The following KIAA1210 variants were observed in gnomAD, a reference collection of about 807,000 sequenced individuals.
KIAA1210 encodes the protein acrosomal protein KIAA1210.
In KIAA1210, 48 loss-of-function variants were observed where a neutral mutation model predicts 78.9. The ratio of observed to expected loss-of-function variants is 0.61; its 90% CI spans 0.48 to 0.77. The LOEUF (loss-of-function observed/expected upper bound fraction) is 0.77. Ranked by LOEUF, KIAA1210 falls within the 30% of genes least tolerant of loss-of-function variation. The probability of loss-of-function intolerance (pLI) is 0.00; values close to 1 mark genes in which losing one functional copy is unlikely to be tolerated. For synonymous variants in KIAA1210, 406 were observed against 404.5 expected (o/e 1.00, Z -0.04); for missense variants, 1,108 against 1,100.0 (o/e 1.01, Z -0.10).
chrX:119,124,919 A>G (rs1928580215), intron 1 of KIAA1210, among the ~76,000 whole-genome samples: 1 of 110,980 alleles, frequency 9.0e-6, no homozygotes, highest in Non-Finnish European at 1.9e-5. Flanking sequence ...CTTATGGAGA[A>G]GAAATAAGTC....
At chrX:119,112,170 T>C (rs1056730271) in intron 3 of KIAA1210, among the ~76,000 whole-genome samples, 10 of 111,776 alleles carry the variant, frequency 8.9e-5, no homozygotes, top group African/African-American at 3.3e-4. Flanking sequence ...TCTGCCATGA[T>C]TGAACTGTGA....
rs752983760 is a variant in KIAA1210, at chrX:119,086,683, T to A, written c.4019A>T (p.His1340Leu). ...CCCCTGGGAAGTGCTTCTGATTTTA[T>A]GTCCCCTGCCTACAGAGGATGAAAT... is the stretch of plus-strand genomic sequence containing the variant. ...GPISSSVGRG[H>L]KIRSTSQGLL... is the part of the protein sequence containing the mutation. Residue 1340 changes from histidine to leucine, a missense_variant, in exon 9 of 12, where the codon CAT becomes CTT. Transcript: ENST00000691062. The A allele has an allele frequency of 8.3e-7, 1 of 1,211,734 alleles. No homozygotes were observed. The highest frequency in any genetic ancestry group is 3.0e-5 in the East Asian group (1 of 33,839).
intron 6 of KIAA1210, among the ~76,000 whole-genome samples, chrX:119,098,113 T>A (rs896813651): frequency 1.4e-4 from 16 of 111,530 alleles, no homozygotes; most frequent in Admixed American, 7.6e-4. Context: ...CCTCACATGA[T>A]CTGTCTTCCT....
chrX:119,120,057 T>A (rs1166617002), intron 2 of KIAA1210, among the ~76,000 whole-genome samples: 2 of 109,584 alleles, frequency 1.8e-5, no homozygotes, highest in African/African-American at 6.6e-5. Flanking sequence ...CACTCCCAGC[T>A]ACTCAGGAGG....
rs1186336358 is a variant in KIAA1210, at chrX:119,087,662, T to C, written c.3040A>G (p.Arg1014Gly). 2.5e-6 allele frequency: 3 copies of C among 1,209,582 alleles called. No individual in the cohort carries two copies. Among genetic ancestry groups the C allele is most frequent in the Non-Finnish European group, 3.4e-6 (3 of 895,124 alleles). ...EGTSNKSPIP[R>G]RPTQSFVKFM... ...TTCACGAATGACTGGGTCGGACGCC[T>C]GGGAATCGGTGATTTGTTAGAAGTG... The change falls in exon 9 of 12, where the codon AGG becomes GGG. Residue 1014 changes from arginine (R) to glycine (G), a missense_variant. Physicochemically the swap from Arg to Gly is moderately radical, Grantham distance 125 (BLOSUM62 -2). Coordinates refer to ENST00000691062, the MANE Select transcript of KIAA1210 (RefSeq NM_001394962.1).
chrX:119,106,526 C>T (rs1299546296), intron 5 of KIAA1210, among the ~76,000 whole-genome samples: 2 of 111,748 alleles, frequency 1.8e-5, no homozygotes, highest in East Asian at 2.8e-4. Context: ...AAGTTCAAGA[C>T]GTTTAAAGGC....
Position 119,087,669 on chromosome X carries a change from C to A in KIAA1210, c.3033G>T (p.Pro1011=). Residue 1011 remains proline, a synonymous_variant, in exon 9 of 12, where the codon CCG becomes CCT. Transcript: ENST00000691062. The stretch of plus-strand genomic sequence containing the variant: ...ATGACTGGGTCGGACGCCTGGGAAT[C>A]GGTGATTTGTTAGAAGTGCCTTCAA... ...MAVEGTSNKS[P]IPRRPTQSFV... is the part of the protein sequence containing the mutation. 5 of 1,211,339 alleles carry A rather than the reference C, an allele frequency of 4.1e-6. No homozygotes were observed. Among genetic ancestry groups the A allele is most frequent in the Non-Finnish European group, 4.5e-6 (4 of 895,379 alleles).
chrX:119,110,022 A>T (rs1370851634), intron 3 of KIAA1210, among the ~76,000 whole-genome samples: 1 of 111,936 alleles, frequency 8.9e-6, no homozygotes, highest in African/African-American at 3.2e-5. Flanking sequence ...GGAGTGTGGT[A>T]ATGTATTTTA....
chrX:119,109,161 C>T lies in KIAA1210; in HGVS notation c.272G>A (p.Ser91Asn), dbSNP rs761732856. 8 of 1,206,843 alleles carry T rather than the reference C, an allele frequency of 6.6e-6. No individual in the cohort carries two copies. The highest frequency in any genetic ancestry group is 9.0e-6 in the Non-Finnish European group (8 of 892,519). The change falls in exon 4 of 12, where the codon AGC becomes AAC. Residue 91 changes from serine (S) to asparagine (N), a missense_variant. Physicochemically the swap from Ser to Asn is conservative, Grantham distance 46. Coordinates refer to ENST00000691062, the MANE Select transcript of KIAA1210 (RefSeq NM_001394962.1). ...AGGCTCAGGACCCAACATGAAGATGCTATCATGGGATAGGGCTTTGCTCCC... is the reference window on the plus strand; with the variant it reads ...AGGCTCAGGACCCAACATGAAGATGTTATCATGGGATAGGGCTTTGCTCCC... ...SMGSKALSHD[S>N]IFMLGPEPER... is the part of the protein sequence containing the mutation.
chrX:119,098,953 A>T (rs1927648438), intron 6 of KIAA1210, among the ~76,000 whole-genome samples: 1 of 112,144 alleles, frequency 8.9e-6, no homozygotes, highest in Non-Finnish European at 1.9e-5. Flanking sequence ...GGCTTCCACC[A>T]GAAGTTGCCT....
intron 3 of KIAA1210, among the ~76,000 whole-genome samples, chrX:119,114,254 A>G (rs1348289174): frequency 9.0e-6 from 1 of 111,646 alleles, no homozygotes; most frequent in East Asian, 2.8e-4. Context: ...GGATTAAAAC[A>G]GAACCCGCTC....
chrX:119,150,165 G>A (rs1929258916), intron 1 of KIAA1210: 1 of 711,406 alleles, frequency 1.4e-6, no homozygotes, highest in African/African-American at 2.2e-5. Context: ...CTATAGCTTT[G>A]TCCAGTCTCT....
intron 6 of KIAA1210, among the ~76,000 whole-genome samples, chrX:119,099,682 A>G (rs1927674521): frequency 1.8e-5 from 2 of 112,100 alleles, no homozygotes; most frequent in Non-Finnish European, 3.8e-5. Context: ...TCTACACAGT[A>G]TTTCTCAATG....
chrX:119,125,313 T>G (rs887920242), intron 1 of KIAA1210, among the ~76,000 whole-genome samples: 4 of 110,966 alleles, frequency 3.6e-5, no homozygotes, highest in Admixed American at 9.7e-5. Context: ...AAATTTAAAA[T>G]GCACATACCT....
At chrX:119,083,761 G>A (rs182202224) in intron 10 of KIAA1210, among the ~76,000 whole-genome samples, 111 of 110,724 alleles carry the variant, frequency 1.0e-3, no homozygotes, top group African/African-American at 3.3e-3. Context: ...GCTCAGGCAG[G>A]AGGATCACTT....
intron 2 of KIAA1210, among the ~76,000 whole-genome samples, chrX:119,139,900 C>T (rs1362001164): frequency 8.9e-6 from 1 of 111,938 alleles, no homozygotes; most frequent in East Asian, 2.8e-4. Context: ...CAAACCCCAG[C>T]TCTGCAATTA....
chrX:119,099,053 A>G (rs1194340495), intron 6 of KIAA1210, among the ~76,000 whole-genome samples: 1 of 112,264 alleles, frequency 8.9e-6, no homozygotes, highest in African/African-American at 3.2e-5. Flanking sequence ...CCAAAGGTAA[A>G]AGGAGAAAAA....
Position 119,087,034 on chromosome X carries a change from C to T in KIAA1210, c.3668G>A (p.Gly1223Glu), listed in dbSNP as rs990386067. The T allele has an allele frequency of 1.1e-5, 13 of 1,209,530 alleles. No homozygotes were observed. The African/African-American group carries it at 1.6e-4, about 15-fold the overall frequency. ...FESNSDNWFL[G>E]RDEAFAIKTK... ...TTTGATTGCAAAAGCTTCATCTCTT[C>T]CTAGGAACCAATTGTCAGAATTGCT... Residue 1223 changes from glycine to glutamate, a missense_variant, in exon 9 of 12, where the codon GGA (glycine) becomes GAA (glutamate). Transcript: ENST00000691062.
At chrX:119,107,003 C>T (rs891211211) in intron 5 of KIAA1210, among the ~76,000 whole-genome samples, 1 of 112,546 alleles carries the variant, frequency 8.9e-6, no homozygotes. Flanking sequence ...TGACTTAATG[C>T]TATCAACCAT....
Sources: gnomAD v4.1 joint callset for allele counts (sites outside exome capture counted in the v4.1 genomes callset) on GRCh38, gnomAD v4.1.1 for gene constraint, MANE v1.5 for transcripts, NCBI Gene and HGNC (gene_info 2026-07-23, HGNC 2026-07-21) for gene names.